Variants in LAMC1 observed in about 807,000 individuals in gnomAD.
The protein encoded by LAMC1 is laminin subunit gamma-1.
In LAMC1, 38 loss-of-function variants were observed where a neutral mutation model predicts 173.6. The observed-to-expected ratio is 0.22, with a 90% confidence interval of 0.17 to 0.29. The LOEUF is 0.29. LAMC1 is among the 10% of genes least tolerant of loss of function. The pLI, the probability that LAMC1 is intolerant of heterozygous loss-of-function variation, is 1.00. For missense variants in LAMC1, 1,824 were observed against 2,051.8 expected, an observed-to-expected ratio of 0.89 and a Z score of 2.14; for synonymous variants, 746 against 749.1, an observed-to-expected ratio of 1.00 and a Z score of 0.07.
chr1:183,099,689 C>T lies in LAMC1; in HGVS notation c.419-3639C>T, dbSNP rs535471779. On this transcript the variant is annotated intron_variant, in intron 1 of 27. Transcript: ENST00000258341. ...CAGGGTGGTCTCAGAAGTCAGCTGT[C>T]ACGGAACACACTTGCTCCATATGCT... Among the ~76,000 whole-genome samples, 3 of 152,198 alleles carry T rather than the reference C, an allele frequency of 2.0e-5. No homozygotes were observed. In the South Asian group the frequency reaches 6.2e-4, roughly 32 times the overall value.
chr1:183,078,886 G>A (rs1655187488), intron 1 of LAMC1, among the ~76,000 whole-genome samples: 1 of 152,054 alleles, frequency 6.6e-6, no homozygotes, highest in Non-Finnish European at 1.5e-5. Flanking sequence ...GGTGGTGCAT[G>A]CCTGTAATCC....
rs753091602 is a variant in LAMC1, at chr1:183,103,431, T to C, written c.522T>C (p.Pro174=). Residue 174 remains proline, a synonymous_variant, in exon 2 of 28, where the codon CCT becomes CCC. Transcript: ENST00000258341. The part of the protein sequence containing the change: ...KRTREDGPWI[P]YQYYSGSCEN... The stretch of plus-strand genomic sequence containing the variant: ...CACGGGAAGACGGGCCCTGGATTCC[T>C]TACCAGTACTACAGTGGTTCCTGTG... The C allele has an allele frequency of 6.2e-7, 1 of 1,614,184 alleles. No homozygotes were observed.
intron 1 of LAMC1, among the ~76,000 whole-genome samples, chr1:183,083,774 A>G (rs1251537864): frequency 6.6e-6 from 1 of 152,174 alleles, no homozygotes; most frequent in Non-Finnish European, 1.5e-5. Flanking sequence ...TTACGGGACA[A>G]TTTTATTCCA....
At chr1:183,082,924 T>C (rs1655324131) in intron 1 of LAMC1, among the ~76,000 whole-genome samples, 1 of 152,206 alleles carries the variant, frequency 6.6e-6, no homozygotes, top group Non-Finnish European at 1.5e-5. Context: ...TCATTTGTAA[T>C]GTTGTGATAT....
intron 1 of LAMC1, among the ~76,000 whole-genome samples, chr1:183,056,168 A>G (rs10737238): frequency 0.5 from 76,694 of 152,136 alleles, 19,955 homozygotes; most frequent in South Asian, 0.64. Flanking sequence ...CAGGCCAGCC[A>G]TGCTTCAGCT....
intron 1 of LAMC1, among the ~76,000 whole-genome samples, chr1:183,092,627 G>A (rs1443869989): frequency 6.6e-6 from 1 of 152,168 alleles, no homozygotes; most frequent in Non-Finnish European, 1.5e-5. Context: ...ATGGAAAGGG[G>A]CCTTCTAGAG....
At chr1:183,055,229 A>G (rs917184966) in intron 1 of LAMC1, among the ~76,000 whole-genome samples, 6 of 151,634 alleles carry the variant, frequency 4.0e-5, no homozygotes, top group Non-Finnish European at 5.9e-5. Flanking sequence ...ACCTCAGGTG[A>G]TCCACCTGCC....
At chr1:183,090,701 G>C (rs1489668015) in intron 1 of LAMC1, among the ~76,000 whole-genome samples, 2 of 152,128 alleles carry the variant, frequency 1.3e-5, no homozygotes, top group Non-Finnish European at 2.9e-5. Context: ...CACTTTATTT[G>C]CAGTTTTCAA....
At chr1:183,131,580 G>T (rs1386653730) in intron 20 of LAMC1, among the ~76,000 whole-genome samples, 1 of 151,906 alleles carries the variant, frequency 6.6e-6, no homozygotes, top group Non-Finnish European at 1.5e-5. Context: ...TTTGACATTA[G>T]AATATTCACT....
intron 3 of LAMC1, among the ~76,000 whole-genome samples, chr1:183,108,789 A>G (rs1415991487): frequency 1.3e-5 from 2 of 152,232 alleles, no homozygotes; most frequent in Admixed American, 6.5e-5. Context: ...AGGGTAGGCA[A>G]TGTATGAATA....
chr1:183,144,611 A>G lies in LAMC1; in HGVS notation c.*1821A>G, dbSNP rs1033658789. The G allele has an allele frequency of 6.6e-6, 1 of 152,226 alleles. No individual in the cohort carries two copies. The highest frequency in any genetic ancestry group is 1.5e-5 in the Non-Finnish European group (1 of 68,066). 9.4% of individuals were successfully genotyped at this position (152,226 alleles called of 1,614,324 possible). A position where few individuals can be genotyped will look rare whatever the true frequency, so the allele number is the denominator to read the frequency against. On this transcript the variant is annotated 3_prime_UTR_variant, in exon 28 of 28. Coordinates refer to ENST00000258341, the MANE Select transcript of LAMC1 (RefSeq NM_002293.4). ...TAACCTGCAGCACGGTGGTTTTACA[A>G]TGTTCCAGAGCAGGAACGCCAGGTT...
At chr1:183,116,926 A>G (rs750637836) in intron 8 of LAMC1, 23 bp downstream of exon 8, 2 of 1,588,680 alleles carry the variant, frequency 1.3e-6, no homozygotes, top group Non-Finnish European at 1.7e-6. Context: ...TCATCCCCCA[A>G]CCTGTTAGAA....
At chr1:183,098,200 A>G (rs958488046) in intron 1 of LAMC1, among the ~76,000 whole-genome samples, 3 of 152,144 alleles carry the variant, frequency 2.0e-5, no homozygotes, top group Admixed American at 2.0e-4. Context: ...TCAATTGTGA[A>G]ATGAGTAGGA....
At chr1:183,116,414 T>C (rs1571450875) in intron 6 of LAMC1, among the ~76,000 whole-genome samples, 163 bp from the exon 7 acceptor site, 1 of 151,778 alleles carries the variant, frequency 6.6e-6, no homozygotes, top group Non-Finnish European at 1.5e-5. Flanking sequence ...GAGGCGGAGG[T>C]TGCAGTGAGC....
rs1461549701 is a variant in LAMC1, at chr1:183,127,277, G to A, written c.2996G>A (p.Gly999Asp). 1.4e-5 allele frequency: 22 copies of A among 1,614,180 alleles called. No homozygotes were observed. In the South Asian group the frequency reaches 2.3e-4, roughly 17 times the overall value. The change falls in exon 17 of 28, where the codon GGT becomes GAT. Residue 999 changes from glycine to aspartate, a missense_variant. Gly to Asp is a moderately conservative substitution (Grantham distance 94, BLOSUM62 -1). Coordinates refer to ENST00000258341, the MANE Select transcript of LAMC1 (RefSeq NM_002293.4). ...CTTTCACTTCAGTGCAAAGATGATGGTCGCTGTGAATGCAGAGAAGGCTTT... is the reference window on the plus strand; with the variant it reads ...CTTTCACTTCAGTGCAAAGATGATGATCGCTGTGAATGCAGAGAAGGCTTT... The part of the protein sequence containing the change: ...GSLSLQCKDD[G>D]RCECREGFVG...
intron 1 of LAMC1, among the ~76,000 whole-genome samples, chr1:183,098,558 CA>C (rs1313758228): frequency 2.0e-5 from 3 of 152,172 alleles, no homozygotes; most frequent in Admixed American, 2.0e-4. Context: ...GGTCTTTGCC[CA>C]GTAAGCCTTC....
intron 26 of LAMC1, chr1:183,138,371 C>G (rs1380922903): frequency 1.1e-5 from 2 of 174,638 alleles, no homozygotes; most frequent in African/African-American, 4.8e-5. Flanking sequence ...CAAGGAAGAA[C>G]TAAGGTCCAT....
chr1:183,083,093 A>G (rs758667703), intron 1 of LAMC1, among the ~76,000 whole-genome samples: 2 of 152,186 alleles, frequency 1.3e-5, no homozygotes, highest in African/African-American at 2.4e-5. Flanking sequence ...AAAAAGATCA[A>G]TAACTTTTTG....
intron 25 of LAMC1, among the ~76,000 whole-genome samples, chr1:183,137,160 A>G (rs1656968154): frequency 6.6e-6 from 1 of 152,196 alleles, no homozygotes; most frequent in African/African-American, 2.4e-5. Flanking sequence ...TAAGAATCAG[A>G]GAAACCTCTT....
Sources: allele counts gnomAD v4.1 joint callset (sites outside exome capture counted in the v4.1 genomes callset), GRCh38; gene constraint gnomAD v4.1.1; transcripts MANE v1.5; gene names NCBI Gene and HGNC (gene_info 2026-07-23, HGNC 2026-07-21).